The following CEP112 variants were observed in gnomAD, a reference collection of about 807,000 sequenced individuals.
CEP112 encodes centrosomal protein 112, also known as centrosomal protein of 112 kDa.
In CEP112, 127 loss-of-function variants were observed where a neutral mutation model predicts 153.0. The ratio of observed to expected loss-of-function variants is 0.83; its 90% CI spans 0.72 to 0.96. The LOEUF (loss-of-function observed/expected upper bound fraction) is 0.96, where lower values mean the gene tolerates loss of function less well. Ranked by LOEUF, CEP112 falls within the 40% of genes least tolerant of loss-of-function variation. The probability of loss-of-function intolerance (pLI) is 0.00; values close to 1 mark genes in which losing one functional copy is unlikely to be tolerated. For synonymous variants in CEP112, 358 were observed against 374.4 expected (o/e 0.96, Z 0.51); for missense variants, 1,089 against 1,101.2 (o/e 0.99, Z 0.16).
At position 66,027,570 on chromosome 17, in the gene CEP112, A is replaced by G. The variant is rs773076895; in HGVS notation, c.1597-10T>C. Reference sequence around the variant, plus strand: ...ACTTATTTTCTTGATCCTGTGAATGATAAATGTTTATATTTATTATACTTT... The same window carrying G: ...ACTTATTTTCTTGATCCTGTGAATGGTAAATGTTTATATTTATTATACTTT... On this transcript the variant is annotated splice_polypyrimidine_tract_variant and intron_variant, in intron 15 of 26. Transcript: ENST00000535342. The G allele has an allele frequency of 7.9e-7, 1 of 1,259,520 alleles. No individual in the cohort carries two copies. The highest frequency in any genetic ancestry group is 3.2e-5 in the East Asian group (1 of 31,520). The allele number at this position is 1,259,520 out of a possible 1,614,324, so 78.0% of individuals were successfully genotyped here.
intron 21 of CEP112, among the ~76,000 whole-genome samples, chr17:65,807,273 G>A (rs982385460): frequency 6.6e-6 from 1 of 152,186 alleles, no homozygotes; most frequent in African/African-American, 2.4e-5. Context: ...GTGATTGGCT[G>A]CTTCTAAAAG....
chr17:66,100,447 G>A (rs2068525369), intron 6 of CEP112, among the ~76,000 whole-genome samples: 1 of 141,836 alleles, frequency 7.1e-6, no homozygotes, highest in African/African-American at 2.6e-5. Flanking sequence ...AGAGAGAAAA[G>A]ATAACTATAG....
At chr17:65,847,859 A>G (rs778852109) in intron 21 of CEP112, among the ~76,000 whole-genome samples, 1 of 152,230 alleles carries the variant, frequency 6.6e-6, no homozygotes, top group Non-Finnish European at 1.5e-5. Flanking sequence ...GAGGTTGGCC[A>G]TTGAAAAAAT....
chr17:66,023,207 G>C (rs569197602), intron 16 of CEP112, among the ~76,000 whole-genome samples: 1 of 152,040 alleles, frequency 6.6e-6, no homozygotes. Flanking sequence ...CATACAAGAA[G>C]TGCAACAAAC....
intron 4 of CEP112, among the ~76,000 whole-genome samples, chr17:66,170,350 G>C (rs1451784111): frequency 6.6e-6 from 1 of 152,156 alleles, no homozygotes. Flanking sequence ...CATGATTGTA[G>C]ATCTAAATGA....
chr17:65,935,258 C>T (rs952714530), intron 18 of CEP112, among the ~76,000 whole-genome samples: 1 of 152,056 alleles, frequency 6.6e-6, no homozygotes, highest in Non-Finnish European at 1.5e-5. Context: ...TATAACAGCA[C>T]CTAAATATAT....
intron 23 of CEP112, among the ~76,000 whole-genome samples, chr17:65,704,411 C>G (rs1295323961): frequency 1.5e-5 from 2 of 132,746 alleles, no homozygotes; most frequent in Non-Finnish European, 3.1e-5. Flanking sequence ...TCTTGTAAAA[C>G]GTGTAAAATA....
intron 12 of CEP112, among the ~76,000 whole-genome samples, chr17:66,042,244 G>C (rs752424901): frequency 6.6e-6 from 1 of 152,130 alleles, no homozygotes; most frequent in African/African-American, 2.4e-5. Flanking sequence ...TAGCTACTCA[G>C]GAGGCTGAAG....
chr17:65,818,696 C>T (rs914314917), intron 21 of CEP112, among the ~76,000 whole-genome samples: 1 of 151,768 alleles, frequency 6.6e-6, no homozygotes, highest in African/African-American at 2.4e-5. Flanking sequence ...TACTCTATAA[C>T]AGGGTTTTGG....
intron 18 of CEP112, among the ~76,000 whole-genome samples, chr17:65,933,627 C>T (rs1167845226): frequency 5.3e-5 from 8 of 152,182 alleles, no homozygotes; most frequent in Admixed American, 5.2e-4. Context: ...AATCTTCCCG[C>T]ACCTCCATCT....
chr17:65,978,583 T>C (rs921826818), intron 17 of CEP112, among the ~76,000 whole-genome samples: 1 of 152,254 alleles, frequency 6.6e-6, no homozygotes, highest in African/African-American at 2.4e-5. Flanking sequence ...AACCATTTTG[T>C]TAACTTGAAA....
At chr17:65,780,833 T>A (rs557685644) in intron 21 of CEP112, among the ~76,000 whole-genome samples, 1 of 152,262 alleles carries the variant, frequency 6.6e-6, no homozygotes, top group African/African-American at 2.4e-5. Flanking sequence ...ATCAGCCAAG[T>A]AATAAATTAT....
intron 21 of CEP112, among the ~76,000 whole-genome samples, chr17:65,810,693 C>A (rs1417390471): frequency 2.6e-5 from 4 of 151,638 alleles, no homozygotes; most frequent in African/African-American, 9.7e-5. Flanking sequence ...AATTCTTTAA[C>A]ATATTATTTC....
chr17:65,772,583 C>A (rs2053426247), intron 21 of CEP112, among the ~76,000 whole-genome samples: 2 of 40,268 alleles, frequency 5.0e-5, no homozygotes, highest in South Asian at 5.7e-4. Flanking sequence ...ATTACACACA[C>A]ACACACACAC....
At chr17:65,957,835 T>C (rs949306547) in intron 18 of CEP112, among the ~76,000 whole-genome samples, 1 of 152,130 alleles carries the variant, frequency 6.6e-6, no homozygotes, top group Non-Finnish European at 1.5e-5. Context: ...TATTTAAACA[T>C]TACAAAATTA....
At chr17:66,162,792 G>T (rs117498451) in intron 4 of CEP112, among the ~76,000 whole-genome samples, 1 of 152,068 alleles carries the variant, frequency 6.6e-6, no homozygotes, top group African/African-American at 2.4e-5. Context: ...TGGGGAGGTA[G>T]CTATATTCTC....
intron 18 of CEP112, among the ~76,000 whole-genome samples, chr17:65,956,787 TA>T (rs2062018757): frequency 6.6e-6 from 1 of 151,898 alleles, no homozygotes; most frequent in South Asian, 2.1e-4. Context: ...AATAAAAAAA[TA>T]AAAAATTTAA....
intron 23 of CEP112, among the ~76,000 whole-genome samples, chr17:65,738,349 G>A (rs1298149377): frequency 6.6e-6 from 1 of 152,118 alleles, no homozygotes; most frequent in Non-Finnish European, 1.5e-5. Context: ...GTATAAGGGT[G>A]CAAAAGTACA....
intron 21 of CEP112, among the ~76,000 whole-genome samples, chr17:65,770,703 G>T (rs549590032): frequency 7.2e-5 from 11 of 152,182 alleles, no homozygotes; most frequent in African/African-American, 2.6e-4. Flanking sequence ...ATGTGGAAAT[G>T]GAAGTATACT....
Sources: gnomAD v4.1 joint callset for allele counts (sites outside exome capture counted in the v4.1 genomes callset) on GRCh38, gnomAD v4.1.1 for gene constraint, MANE v1.5 for transcripts, NCBI Gene and HGNC (gene_info 2026-07-23, HGNC 2026-07-21) for gene names.